The following SEMA6D variants were observed in gnomAD, a reference collection of about 807,000 sequenced individuals.
SEMA6D encodes semaphorin 6D, also known as semaphorin-6D.
In SEMA6D, 35 loss-of-function variants were observed where a neutral mutation model predicts 106.6. The ratio of observed to expected loss-of-function variants is 0.33; its 90% confidence interval spans 0.25 to 0.44. SEMA6D has a LOEUF of 0.44. Ranked by LOEUF, SEMA6D falls within the 20% of genes least tolerant of loss-of-function variation. The pLI is 1.00. For synonymous variants in SEMA6D, 499 were observed against 487.7 expected, an observed-to-expected ratio of 1.02 and a Z score of -0.31; for missense variants, 1,185 against 1,345.9, an observed-to-expected ratio of 0.88 and a Z score of 1.87.
intron 3 of SEMA6D, among the ~76,000 whole-genome samples, chr15:47,506,759 A>G (rs148877800): frequency 1.3e-4 from 20 of 152,286 alleles, no homozygotes; most frequent in Non-Finnish European, 2.5e-4. Context: ...CTATGACTGT[A>G]TGGAGTGCCA....
intron 1 of SEMA6D, among the ~76,000 whole-genome samples, chr15:47,376,297 C>T (rs929570841): frequency 6.6e-6 from 1 of 152,168 alleles, no homozygotes; most frequent in African/African-American, 2.4e-5. Context: ...CTTTAACTTC[C>T]TTTCTTCATC....
intron 1 of SEMA6D, among the ~76,000 whole-genome samples, chr15:47,745,393 C>T (rs545715275): frequency 6.2e-4 from 94 of 152,340 alleles, no homozygotes; most frequent in Middle Eastern, 3.4e-3. Flanking sequence ...TCACTGGTTG[C>T]GCAGCAAAGC....
intron 1 of SEMA6D, among the ~76,000 whole-genome samples, chr15:47,192,579 AT>A (rs1209199708): frequency 6.6e-6 from 1 of 152,260 alleles, no homozygotes; most frequent in African/African-American, 2.4e-5. Flanking sequence ...ATTAAAAAGC[AT>A]TTTTTTCAAA....
At chr15:47,693,902 C>T (rs2078644486) in intron 4 of SEMA6D, among the ~76,000 whole-genome samples, 1 of 152,074 alleles carries the variant, frequency 6.6e-6, no homozygotes, top group South Asian at 2.1e-4. Flanking sequence ...GTGATCGCAC[C>T]ACGACACTCC....
chr15:47,582,602 G>A (rs749524623), intron 3 of SEMA6D, among the ~76,000 whole-genome samples: 1 of 152,122 alleles, frequency 6.6e-6, no homozygotes, highest in African/African-American at 2.4e-5. Flanking sequence ...CCACAGCCCT[G>A]AGCTCACACA....
chr15:47,475,064 A>G (rs1390207420), intron 3 of SEMA6D, among the ~76,000 whole-genome samples: 1 of 152,158 alleles, frequency 6.6e-6, no homozygotes, highest in African/African-American at 2.4e-5. Flanking sequence ...AGCCTTTGTG[A>G]CATTAAGTCA....
intron 3 of SEMA6D, among the ~76,000 whole-genome samples, chr15:47,539,097 G>C (rs1033096721): frequency 7.2e-5 from 11 of 152,134 alleles, no homozygotes; most frequent in African/African-American, 2.7e-4. Context: ...GTGTTAGAAA[G>C]CATATTGCAA....
At chr15:47,611,637 T>G (rs12440372) in intron 4 of SEMA6D, among the ~76,000 whole-genome samples, 54,087 of 151,988 alleles carry the variant, frequency 0.36, 9,768 homozygotes, top group East Asian at 0.51. Context: ...AGAAAAAATG[T>G]GGCCTTGTAT....
At chr15:47,193,793 T>C (rs80106516) in intron 1 of SEMA6D, among the ~76,000 whole-genome samples, 4,299 of 152,192 alleles carry the variant, frequency 0.028, 106 homozygotes, top group Middle Eastern at 0.11. Context: ...GCCTTCTCCT[T>C]GAAAAGCCTG....
chr15:47,524,779 G>A (rs960120901), intron 3 of SEMA6D, among the ~76,000 whole-genome samples: 1 of 152,210 alleles, frequency 6.6e-6, no homozygotes, highest in Non-Finnish European at 1.5e-5. Context: ...GGCTACTGAA[G>A]TACATTGCTT....
chr15:47,566,660 C>T (rs2046238559), intron 3 of SEMA6D, among the ~76,000 whole-genome samples: 1 of 152,216 alleles, frequency 6.6e-6, no homozygotes, highest in African/African-American at 2.4e-5. Context: ...GACTGTACCA[C>T]TTACAGATTG....
At chr15:47,737,412 AT>A (rs1240764215) in intron 1 of SEMA6D, among the ~76,000 whole-genome samples, 1 of 152,200 alleles carries the variant, frequency 6.6e-6, no homozygotes, top group African/African-American at 2.4e-5. Flanking sequence ...CCTTTTTTAA[AT>A]GTTAAAACAA....
chr15:47,490,695 T>C (rs550443809), intron 3 of SEMA6D, among the ~76,000 whole-genome samples: 2 of 152,214 alleles, frequency 1.3e-5, no homozygotes, highest in African/African-American at 4.8e-5. Flanking sequence ...CAGCAATATT[T>C]GTAAACATAC....
rs191489160 is a variant in SEMA6D, at chr15:47,560,469, G to A, written c.-86-40396G>A. Among the ~76,000 whole-genome samples the A allele has an allele frequency of 2.2e-3, 335 of 152,066 alleles. 2 individuals are homozygous for A. The highest frequency in any genetic ancestry group is 7.4e-3 in the African/African-American group (307 of 41,528). Reference sequence around the variant, plus strand: ...AGGGCTCAAGAGCAGATTTGAGATGGAAAAGAAAAATAAAGTATGAAGTTG... The same window carrying A: ...AGGGCTCAAGAGCAGATTTGAGATGAAAAAGAAAAATAAAGTATGAAGTTG... On this transcript the variant is annotated intron_variant, in intron 3 of 19. Transcript: ENST00000558014.
At chr15:47,185,001 G>A (rs1227901829) in intron 1 of SEMA6D, among the ~76,000 whole-genome samples, 1 of 152,124 alleles carries the variant, frequency 6.6e-6, no homozygotes, top group Non-Finnish European at 1.5e-5. Flanking sequence ...GGGTTTAGAG[G>A]GGAAGGGGTG....
At chr15:47,397,113 G>A (rs28649965) in intron 1 of SEMA6D, among the ~76,000 whole-genome samples, 1,648 of 152,270 alleles carry the variant, frequency 0.011, 35 homozygotes, top group African/African-American at 0.037. Flanking sequence ...CCATAGTAGA[G>A]GTTGAAGGAC....
intron 1 of SEMA6D, among the ~76,000 whole-genome samples, chr15:47,230,592 C>T (rs1329868641): frequency 6.6e-6 from 1 of 151,984 alleles, no homozygotes; most frequent in Non-Finnish European, 1.5e-5. Context: ...ACATTGGAGT[C>T]ACAGGTCACC....
At chr15:47,724,022 A>C (rs1648149918) in intron 1 of SEMA6D, among the ~76,000 whole-genome samples, 4 of 152,344 alleles carry the variant, frequency 2.6e-5, no homozygotes, top group South Asian at 4.1e-4. Context: ...GGCTGTCAGC[A>C]AAGCAGGGAC....
At chr15:47,252,118 C>T (rs990031750) in intron 1 of SEMA6D, among the ~76,000 whole-genome samples, 3 of 145,326 alleles carry the variant, frequency 2.1e-5, no homozygotes, top group Admixed American at 6.8e-5. Flanking sequence ...GGGGTTTCAC[C>T]GTGTTAGCCA....
Sources: gnomAD v4.1 joint callset for allele counts (sites outside exome capture counted in the v4.1 genomes callset) on GRCh38, gnomAD v4.1.1 for gene constraint, MANE v1.5 for transcripts, NCBI Gene and HGNC (gene_info 2026-07-23, HGNC 2026-07-21) for gene names.